The following RBP7 variants were observed in gnomAD, a reference collection of about 807,000 sequenced individuals.
The protein encoded by RBP7 is retinoid-binding protein 7.
Under a neutral mutation model 16.7 loss-of-function variants are expected in RBP7, and 13 were observed. The ratio of observed to expected loss-of-function variants is 0.78; its 90% CI spans 0.51 to 1.24. The LOEUF is 1.24. RBP7 is among the 50% of genes most tolerant of loss of function. The pLI is 0.00. For missense variants in RBP7, 145 were observed against 159.5 expected (o/e 0.91, Z 0.49); for synonymous variants, 54 against 56.2 (o/e 0.96, Z 0.17).
chr1:10,013,363 G>T (rs140979050), intron 3 of RBP7, among the ~76,000 whole-genome samples: 1,884 of 151,332 alleles, frequency 0.012, 36 homozygotes, highest in African/African-American at 0.043. Context: ...ATGAGCCACC[G>T]CGCCCAGCCA....
intron 1 of RBP7, among the ~76,000 whole-genome samples, chr1:10,004,918 G>A (rs1642397937): frequency 6.6e-6 from 1 of 152,080 alleles, no homozygotes; most frequent in South Asian, 2.1e-4. Context: ...TCTCGAGCCT[G>A]GGAAGCAAAG....
At position 10,008,166 on chromosome 1, in the gene RBP7, C is replaced by T; in HGVS notation, c.253-7C>T. On this transcript the variant is annotated splice_region_variant and splice_polypyrimidine_tract_variant and intron_variant, in intron 2 of 3. Coordinates refer to ENST00000294435, the MANE Select transcript of RBP7 (RefSeq NM_052960.3). ...ACAAGCTAACATTTTCTCCTCTCTT[C>T]ATGCAGAGTTTGGTTATCTGGGACA... 1 of 1,576,016 alleles carries T rather than the reference C, an allele frequency of 6.3e-7. No homozygotes were observed. The highest frequency in any genetic ancestry group is 8.7e-7 in the Non-Finnish European group (1 of 1,145,850).
rs75603718 is a variant in RBP7, at chr1:10,007,461, G to A, written c.74-109G>A. On this transcript the variant is annotated intron_variant, in intron 1 of 3. Coordinates refer to ENST00000294435, the MANE Select transcript of RBP7 (RefSeq NM_052960.3). ...TTTGGCAGCAAACAACATAGAAGTC[G>A]TACAGGAAATGCTAACAATTACATG... The A allele has an allele frequency of 6.4e-4, 522 of 820,138 alleles. 1 individual carries two copies. In the East Asian group the frequency reaches 0.014, roughly 22 times the overall value. 50.8% of individuals were successfully genotyped at this position (820,138 alleles called of 1,614,324 possible). A position where few individuals can be genotyped will look rare whatever the true frequency, so the allele number is the denominator to read the frequency against.
chr1:10,008,327 C>A (rs1642505295), intron 3 of RBP7, 53 bp downstream of exon 3: 1 of 1,246,796 alleles, frequency 8.0e-7, no homozygotes, highest in South Asian at 1.2e-5. Flanking sequence ...AAGGAAACAT[C>A]AGGCCAAGCG....
chr1:10,012,276 G>A (rs1397510224), intron 3 of RBP7, among the ~76,000 whole-genome samples: 2 of 151,094 alleles, frequency 1.3e-5, no homozygotes, highest in Non-Finnish European at 2.9e-5. Context: ...AGCTACTCAG[G>A]AGGCTGAGGC....
chr1:9,999,409 G>A (rs952863868), intron 1 of RBP7, among the ~76,000 whole-genome samples: 9 of 151,966 alleles, frequency 5.9e-5, no homozygotes, highest in African/African-American at 2.2e-4. Context: ...GAAATTAGCT[G>A]GGCATGGTGG....
chr1:10,005,970 C>T lies in RBP7; in HGVS notation c.74-1600C>T, dbSNP rs577017559. Among the ~76,000 whole-genome samples, 5 of 152,162 alleles carry T rather than the reference C, an allele frequency of 3.3e-5. No individual in the cohort carries two copies. The South Asian group carries it at 1.0e-3, about 32-fold the overall frequency. ...CCCGAAACACACTGGCACACCCTTC[C>T]TCAGAGTCCCAGGGCTCCCTGGATT... On this transcript the variant is annotated intron_variant, in intron 1 of 3. Transcript: ENST00000294435.
intron 1 of RBP7, among the ~76,000 whole-genome samples, chr1:10,000,269 C>T (rs973425162): frequency 5.3e-5 from 8 of 151,674 alleles, no homozygotes; most frequent in Non-Finnish European, 5.9e-5. Context: ...AGGTGGCTCA[C>T]GCCTATAATC....
At chr1:10,011,728 A>G (rs553289690) in intron 3 of RBP7, among the ~76,000 whole-genome samples, 2 of 152,204 alleles carry the variant, frequency 1.3e-5, no homozygotes, top group Admixed American at 1.3e-4. Context: ...TTGATTCTAG[A>G]TGGACAAATC....
At chr1:10,012,072 G>C (rs1642637295) in intron 3 of RBP7, among the ~76,000 whole-genome samples, 1 of 151,956 alleles carries the variant, frequency 6.6e-6, no homozygotes, top group African/African-American at 2.4e-5. Context: ...TCAGCTGAGA[G>C]TGGTGGCGCA....
In RBP7 at chr1:10,007,591, A is replaced by G. The variant is rs1306079008; in HGVS notation, c.95A>G (p.Lys32Arg). The G allele has an allele frequency of 6.2e-7, 1 of 1,610,458 alleles. No homozygotes were observed. The highest frequency in any genetic ancestry group is 8.5e-7 in the Non-Finnish European group (1 of 1,179,144). Residue 32 changes from lysine to arginine, a missense_variant, in exon 2 of 4, where the codon AAA (lysine) becomes AGA (arginine). By Grantham distance (26) the Lys-to-Arg change is conservative (BLOSUM62 2). Coordinates refer to ENST00000294435, the MANE Select transcript of RBP7 (RefSeq NM_052960.3). ...TAAGGTATTGACTTTGCCACTCGTA[A>G]AATAGCCAAGTTGCTGAAGCCACAG... is the stretch of plus-strand genomic sequence containing the variant. ...LALGIDFATR[K>R]IAKLLKPQKV...
chr1:10,009,807 C>T (rs1400938398), intron 3 of RBP7, among the ~76,000 whole-genome samples: 1 of 152,140 alleles, frequency 6.6e-6, no homozygotes, highest in Admixed American at 6.6e-5. Flanking sequence ...GTTGGGATTA[C>T]AGGCGTGGCC....
At chr1:10,003,563 G>A (rs1327777776) in intron 1 of RBP7, among the ~76,000 whole-genome samples, 7 of 152,020 alleles carry the variant, frequency 4.6e-5, no homozygotes, top group Admixed American at 2.0e-4. Flanking sequence ...TCTTTTCTGC[G>A]GGAGCAGTCA....
At chr1:10,002,536 G>T (rs1423871366) in intron 1 of RBP7, among the ~76,000 whole-genome samples, 3 of 151,888 alleles carry the variant, frequency 2.0e-5, no homozygotes, top group Non-Finnish European at 4.4e-5. Context: ...ATCTCACTCT[G>T]TTGCCCAGGC....
At chr1:10,008,580 A>G (rs1057100792) in intron 3 of RBP7, among the ~76,000 whole-genome samples, 3 of 151,360 alleles carry the variant, frequency 2.0e-5, no homozygotes, top group Non-Finnish European at 4.4e-5. Flanking sequence ...AGCTGGGACT[A>G]CAGGCACGCA....
chr1:9,997,364 G>A lies in RBP7; in HGVS notation c.73+33G>A. 6.3e-7 allele frequency: 1 copy of A among 1,599,684 alleles called. No individual in the cohort carries two copies. Among genetic ancestry groups the A allele is most frequent in the Non-Finnish European group, 8.5e-7 (1 of 1,170,960 alleles). ...GGAGGGGAGGCGGCGGCGGCGCGAG[G>A]CTCGCCGTGGGTCTCGGGATCAGGC... On this transcript the variant is annotated intron_variant, in intron 1 of 3. Transcript: ENST00000294435. The surrounding 1 kb of genome is among the most constrained non-coding windows in gnomAD (Gnocchi z 5.9).
chr1:10,007,915 T>C (rs1231832764), intron 2 of RBP7, among the ~76,000 whole-genome samples, 167 bp downstream of exon 2: 1 of 151,946 alleles, frequency 6.6e-6, no homozygotes, highest in African/African-American at 2.4e-5. Context: ...GGGGGCGTGC[T>C]GGCAGGAGCC....
At chr1:10,015,648 G>A in intron 3 of RBP7, 134 bp from the exon 4 acceptor site, 1 of 706,170 alleles carries the variant, frequency 1.4e-6, no homozygotes, top group Non-Finnish European at 2.4e-6. Context: ...GGACGACAGA[G>A]TGAGACCCCA....
intron 3 of RBP7, among the ~76,000 whole-genome samples, chr1:10,013,362 C>T (rs990502889): frequency 3.9e-5 from 6 of 152,072 alleles, no homozygotes; most frequent in Non-Finnish European, 8.8e-5. Context: ...CATGAGCCAC[C>T]GCGCCCAGCC....
Sources: allele counts gnomAD v4.1 joint callset (sites outside exome capture counted in the v4.1 genomes callset), GRCh38; gene constraint gnomAD v4.1.1; non-coding constraint Gnocchi (gnomAD v3.1); transcripts MANE v1.5; gene names NCBI Gene and HGNC (gene_info 2026-07-23, HGNC 2026-07-21).